Variants in C3orf49 observed in about 807,000 individuals in gnomAD.
C3orf49 encodes the protein chromosome 3 open reading frame 49, also known as putative uncharacterized protein C3orf49.
Under a neutral mutation model 13.3 loss-of-function variants are expected in C3orf49, and 27 were observed. That is an observed-to-expected ratio of 2.02 (90% confidence interval 1.49 to 2.79). C3orf49 has a LOEUF of 2.79. Among genes scored for constraint, C3orf49 ranks in the 30% most tolerant of loss-of-function variants. The pLI, the probability that C3orf49 is intolerant of heterozygous loss-of-function variation, is 0.00. For missense variants in C3orf49, 242 were observed against 134.2 expected, an observed-to-expected ratio of 1.80 and a Z score of -3.97; for synonymous variants, 87 against 47.6, an observed-to-expected ratio of 1.83 and a Z score of -3.40.
chr3:63,842,894 AC>A (rs1163150164), intron 5 of C3orf49, among the ~76,000 whole-genome samples: 3 of 150,268 alleles, frequency 2.0e-5, no homozygotes, highest in African/African-American at 4.9e-5. Flanking sequence ...CCAGCCTCCT[AC>A]CTCAGCCTCC....
At chr3:63,805,324 T>C in the C3orf49 span, among the ~76,000 whole-genome samples, 1 of 152,260 alleles carries the variant, frequency 6.6e-6, no homozygotes, top group African/African-American at 2.4e-5. Flanking sequence ...AAAGGAAAAG[T>C]GCAATAAATA....
intron 5 of C3orf49, among the ~76,000 whole-genome samples, chr3:63,834,695 C>A (rs1487636479): frequency 2.0e-5 from 3 of 151,376 alleles, no homozygotes; most frequent in Admixed American, 1.3e-4. Context: ...GGGTCTTAGG[C>A]TATTCTTTAA....
At chr3:63,796,597 T>C in the C3orf49 span, among the ~76,000 whole-genome samples, 9 of 152,180 alleles carry the variant, frequency 5.9e-5, no homozygotes, top group African/African-American at 2.2e-4. Context: ...AATATACAAT[T>C]TTGACTAATC....
At chr3:63,811,632 G>A in the C3orf49 span, among the ~76,000 whole-genome samples, 13 of 151,360 alleles carry the variant, frequency 8.6e-5, no homozygotes, top group Non-Finnish European at 1.6e-4. Context: ...CTATAGTCCC[G>A]ACTACTTGGG....
rs528789902 is a variant in C3orf49, at chr3:63,819,347, A to C, written c.-125A>C. 1.7e-6 allele frequency: 1 copy of C among 596,636 alleles called. No individual in the cohort carries two copies. Among genetic ancestry groups the C allele is most frequent in the East Asian group, 2.8e-5 (1 of 36,188 alleles). 37.0% of individuals were successfully genotyped at this position (596,636 alleles called of 1,614,324 possible). ...GGGAAAGACTCTAAAAATTTCCTAC[A>C]TATTTTATTCCGAATAGCCCACACC... is the stretch of plus-strand genomic sequence containing the variant. On this transcript the variant is annotated 5_prime_UTR_variant, in exon 1 of 7. Transcript: ENST00000295896.
chr3:63,837,921 GA>G, intron 5 of C3orf49: 2 of 1,497,470 alleles, frequency 1.3e-6, no homozygotes, highest in South Asian at 2.5e-5. Context: ...AAAACTGCAT[GA>G]AAACTGTAGT....
the C3orf49 span, among the ~76,000 whole-genome samples, chr3:63,795,880 C>G: frequency 6.6e-6 from 1 of 152,090 alleles, no homozygotes; most frequent in Non-Finnish European, 1.5e-5. Flanking sequence ...TCCATTATAT[C>G]CCACACCCAA....
chr3:63,832,314 A>T (rs966257259), intron 5 of C3orf49, among the ~76,000 whole-genome samples: 4 of 152,064 alleles, frequency 2.6e-5, no homozygotes, highest in African/African-American at 7.2e-5. Context: ...GCAGCATTTT[A>T]AAAAAAATTC....
chr3:63,814,847 T>C (rs886100459), upstream of C3orf49, among the ~76,000 whole-genome samples: 2 of 152,092 alleles, frequency 1.3e-5, no homozygotes, highest in African/African-American at 2.4e-5. Context: ...TGCATTACTA[T>C]AAAGAAATAC....
the C3orf49 span, among the ~76,000 whole-genome samples, chr3:63,797,884 T>C: frequency 6.6e-6 from 1 of 152,178 alleles, no homozygotes. Context: ...TAGGTCTAGA[T>C]GTGGATATAA....
At chr3:63,804,885 TA>T in the C3orf49 span, among the ~76,000 whole-genome samples, 1 of 152,182 alleles carries the variant, frequency 6.6e-6, no homozygotes, top group Non-Finnish European at 1.5e-5. Context: ...TTGATGTCCC[TA>T]AGGATTTTTA....
intron 2 of C3orf49, among the ~76,000 whole-genome samples, chr3:63,825,124 C>T (rs1701450134): frequency 6.6e-6 from 1 of 152,166 alleles, no homozygotes; most frequent in Non-Finnish European, 1.5e-5. Context: ...CATACTCTGT[C>T]ATAACATACA....
chr3:63,785,061 TCTTC>T, the C3orf49 span, among the ~76,000 whole-genome samples: 45 of 122,844 alleles, frequency 3.7e-4, no homozygotes, highest in Non-Finnish European at 4.6e-4. Context: ...CTTCTCTTCT[TCTTC>T]TTTTTTTTTT....
At chr3:63,818,914 A>G (rs996354727), upstream of C3orf49, among the ~76,000 whole-genome samples, 3 of 152,214 alleles carry the variant, frequency 2.0e-5, no homozygotes, top group Non-Finnish European at 4.4e-5. Flanking sequence ...TCCAAACAAC[A>G]ACTGGCCTTG....
intron 2 of C3orf49, among the ~76,000 whole-genome samples, chr3:63,824,083 G>C (rs979284115): frequency 6.6e-6 from 1 of 152,120 alleles, no homozygotes; most frequent in African/African-American, 2.4e-5. Flanking sequence ...TTACAGGTGT[G>C]AGCCTTGCTC....
upstream of C3orf49, among the ~76,000 whole-genome samples, chr3:63,817,809 GTACA>G (rs1258853274): frequency 6.6e-6 from 1 of 152,042 alleles, no homozygotes. Context: ...ACAGAGACAT[GTACA>G]TAGACACCCA....
the C3orf49 span, chr3:63,779,974 T>C: frequency 6.6e-6 from 1 of 152,100 alleles, no homozygotes; most frequent in Non-Finnish European, 1.5e-5. Context: ...TTGTGCTGAG[T>C]TGAGTTTTGT....
upstream of C3orf49, chr3:63,819,272 A>G (rs1351676445): frequency 1.9e-6 from 1 of 522,618 alleles, no homozygotes; most frequent in Non-Finnish European, 3.4e-6. Flanking sequence ...GTGAAGTTGT[A>G]AACAGGGCCA....
At chr3:63,844,580 G>C (rs1425817743) in intron 5 of C3orf49, among the ~76,000 whole-genome samples, 1 of 152,202 alleles carries the variant, frequency 6.6e-6, no homozygotes, top group East Asian at 1.9e-4. Context: ...CTGAAGAAGT[G>C]ATCAGGTCAT....
Sources: allele counts gnomAD v4.1 joint callset (sites outside exome capture counted in the v4.1 genomes callset), GRCh38; gene constraint gnomAD v4.1.1; transcripts MANE v1.5; gene names NCBI Gene and HGNC (gene_info 2026-07-23, HGNC 2026-07-21).